The following ADAMTSL1 variants were observed in gnomAD, a reference collection of about 807,000 sequenced individuals.
ADAMTSL1 encodes ADAMTS like 1, also known as ADAMTS-like protein 1.
A neutral mutation model predicts 201.8 loss-of-function variants in ADAMTSL1; 126 were observed. The observed-to-expected ratio is 0.62, with a 90% CI of 0.54 to 0.72. The LOEUF (loss-of-function observed/expected upper bound fraction) is 0.72, where lower values mean the gene tolerates loss of function less well. Ranked by LOEUF, ADAMTSL1 falls within the 30% of genes least tolerant of loss-of-function variation. The probability of loss-of-function intolerance (pLI) is 0.00; values close to 1 mark genes in which losing one functional copy is unlikely to be tolerated. For missense variants in ADAMTSL1, 2,679 were observed against 2,277.8 expected (o/e 1.18, Z -3.59); for synonymous variants, 1,121 against 903.4 (o/e 1.24, Z -4.32).
intron 2 of ADAMTSL1, among the ~76,000 whole-genome samples, chr9:18,174,214 C>T (rs904072850): frequency 6.6e-6 from 1 of 152,162 alleles, no homozygotes; most frequent in East Asian, 1.9e-4. Context: ...CAACTATCTT[C>T]CCAAGGAGTC....
chr9:18,148,804 A>G (rs1454642933), intron 1 of ADAMTSL1, among the ~76,000 whole-genome samples: 1 of 152,080 alleles, frequency 6.6e-6, no homozygotes, highest in Non-Finnish European at 1.5e-5. Context: ...AAGCAATTTG[A>G]AAAACATGTA....
intron 2 of ADAMTSL1, among the ~76,000 whole-genome samples, chr9:18,375,867 T>C (rs572040777): frequency 5.9e-5 from 9 of 152,354 alleles, no homozygotes; most frequent in African/African-American, 1.9e-4. Flanking sequence ...GACTGCTGAT[T>C]GGTCCATTTT....
intron 22 of ADAMTSL1, among the ~76,000 whole-genome samples, chr9:18,828,894 G>T (rs1824797700): frequency 6.6e-6 from 1 of 151,694 alleles, no homozygotes; most frequent in Non-Finnish European, 1.5e-5. Flanking sequence ...CAGGCACGTA[G>T]TAGGGCTGTT....
chr9:18,685,875 T>C (rs1347487026), intron 13 of ADAMTSL1, among the ~76,000 whole-genome samples: 1 of 152,106 alleles, frequency 6.6e-6, no homozygotes, highest in Non-Finnish European at 1.5e-5. Flanking sequence ...GTCATTTGAT[T>C]TCACATACAC....
chr9:18,342,107 C>T (rs374106727), intron 2 of ADAMTSL1, among the ~76,000 whole-genome samples: 4 of 152,048 alleles, frequency 2.6e-5, no homozygotes, highest in South Asian at 2.1e-4. Flanking sequence ...GCCTCAAGCC[C>T]GATCTTACTC....
chr9:18,629,141 C>T (rs147590995), intron 5 of ADAMTSL1, among the ~76,000 whole-genome samples: 53 of 152,268 alleles, frequency 3.5e-4, no homozygotes, highest in African/African-American at 1.1e-3. Context: ...CTCAATACCT[C>T]TGAGTTTTTT....
At chr9:18,065,516 A>T (rs370769032) in intron 1 of ADAMTSL1, among the ~76,000 whole-genome samples, 1 of 152,248 alleles carries the variant, frequency 6.6e-6, no homozygotes, top group Non-Finnish European at 1.5e-5. Flanking sequence ...AGTGAACTTT[A>T]TATCACCACC....
intron 3 of ADAMTSL1, among the ~76,000 whole-genome samples, chr9:18,560,254 C>A (rs1056165970): frequency 1.3e-5 from 2 of 152,164 alleles, no homozygotes; most frequent in African/African-American, 4.8e-5. Flanking sequence ...TTTTCTGCAT[C>A]TATTGAGACA....
At chr9:17,931,607 C>A (rs1826792913) in intron 1 of ADAMTSL1, among the ~76,000 whole-genome samples, 1 of 151,992 alleles carries the variant, frequency 6.6e-6, no homozygotes, top group Non-Finnish European at 1.5e-5. Flanking sequence ...TTTCAGCTGT[C>A]TTTTTTTTCC....
intron 2 of ADAMTSL1, among the ~76,000 whole-genome samples, chr9:18,306,429 G>C (rs748522274): frequency 3.5e-4 from 53 of 152,078 alleles, no homozygotes; most frequent in Non-Finnish European, 6.6e-4. Flanking sequence ...CCCAATGCAA[G>C]GAAGCTAAGA....
At chr9:18,799,259 A>C (rs942950761) in intron 20 of ADAMTSL1, among the ~76,000 whole-genome samples, 3 of 152,220 alleles carry the variant, frequency 2.0e-5, no homozygotes, top group Non-Finnish European at 4.4e-5. Flanking sequence ...TGAAGTATTA[A>C]TTACTTTGTG....
chr9:18,546,573 T>A (rs536864456), intron 3 of ADAMTSL1, among the ~76,000 whole-genome samples: 2 of 152,234 alleles, frequency 1.3e-5, no homozygotes, highest in East Asian at 3.9e-4. Flanking sequence ...CTTCCCCAAA[T>A]AGAAATTTTT....
intron 2 of ADAMTSL1, among the ~76,000 whole-genome samples, chr9:18,232,264 C>T (rs546066503): frequency 6.6e-6 from 1 of 152,254 alleles, no homozygotes; most frequent in Non-Finnish European, 1.5e-5. Context: ...ACTTGGACTG[C>T]TCTTCCCCTA....
chr9:18,262,538 G>A (rs1037086798), intron 2 of ADAMTSL1, among the ~76,000 whole-genome samples: 8 of 152,276 alleles, frequency 5.3e-5, no homozygotes, highest in African/African-American at 1.7e-4. Flanking sequence ...CTATTCTTGA[G>A]GGTGACAATT....
chr9:18,562,569 G>A (rs1317986026), intron 3 of ADAMTSL1, among the ~76,000 whole-genome samples: 1 of 152,166 alleles, frequency 6.6e-6, no homozygotes, highest in East Asian at 1.9e-4. Flanking sequence ...GGCCTGTCTT[G>A]CTAGGTTGGG....
At chr9:18,654,842 C>T (rs953523996) in intron 7 of ADAMTSL1, among the ~76,000 whole-genome samples, 2 of 152,192 alleles carry the variant, frequency 1.3e-5, no homozygotes, top group African/African-American at 4.8e-5. Flanking sequence ...TCACTGTTTC[C>T]AAGCTTTCCA....
rs535569440 is a variant in ADAMTSL1 at position 18,828,912 on chromosome 9, G to T, written c.4115-931G>T. Among the ~76,000 whole-genome samples the T allele has an allele frequency of 1.9e-3, 282 of 151,926 alleles. 2 individuals are homozygous for T. Among genetic ancestry groups the T allele is most frequent in the Non-Finnish European group, 3.1e-3 (214 of 67,946 alleles). ...GCACGTAGTAGGGCTGTTGCAGAAT[G>T]CTGTTGAAATGACCATCCATTTCAA... On this transcript the variant is annotated intron_variant, in intron 22 of 28. Transcript: ENST00000380548.
intron 1 of ADAMTSL1, among the ~76,000 whole-genome samples, chr9:18,001,692 T>C (rs896253446): frequency 3.9e-5 from 6 of 151,938 alleles, no homozygotes; most frequent in Non-Finnish European, 5.9e-5. Context: ...AAACAATGCA[T>C]ATGTTGAAGA....
intron 2 of ADAMTSL1, among the ~76,000 whole-genome samples, chr9:18,170,493 C>T (rs959815832): frequency 5.9e-5 from 9 of 151,884 alleles, no homozygotes; most frequent in African/African-American, 2.2e-4. Context: ...AAACTGAAGT[C>T]TGAAAGAGGT....
Sources: allele counts gnomAD v4.1 joint callset (sites outside exome capture counted in the v4.1 genomes callset), GRCh38; gene constraint gnomAD v4.1.1; transcripts MANE v1.5; gene names NCBI Gene and HGNC (gene_info 2026-07-23, HGNC 2026-07-21).